The following KIAA1217 variants were observed in gnomAD, a reference collection of about 807,000 sequenced individuals.
KIAA1217 encodes KIAA1217, also known as sickle tail protein homolog.
Under a neutral mutation model 163.9 loss-of-function variants are expected in KIAA1217, and 88 were observed. The observed-to-expected ratio is 0.54, with a 90% CI of 0.45 to 0.64. KIAA1217 has a LOEUF of 0.64. KIAA1217 is among the 30% of genes least tolerant of loss of function. The pLI is 0.00. For synonymous variants in KIAA1217, 903 were observed against 923.1 expected, an observed-to-expected ratio of 0.98 and a Z score of 0.39; for missense variants, 2,372 against 2,475.0, an observed-to-expected ratio of 0.96 and a Z score of 0.88.
intron 1 of KIAA1217, among the ~76,000 whole-genome samples, chr10:23,699,165 A>G (rs1014898943): frequency 1.1e-4 from 16 of 152,190 alleles, no homozygotes; most frequent in African/African-American, 3.6e-4. Flanking sequence ...CCTTCTGAGG[A>G]CAGGGCAGCA....
At chr10:24,446,450 T>A (rs2060941023) in intron 5 of KIAA1217, among the ~76,000 whole-genome samples, 1 of 152,160 alleles carries the variant, frequency 6.6e-6, no homozygotes. Context: ...ATTTAGTATG[T>A]GTGTCTGCAG....
rs34564889 is a variant in KIAA1217 at position 24,406,392 on chromosome 10, AAC to A, written c.553+25352_553+25353del. 3.2e-3 allele frequency among the ~76,000 whole-genome samples: 428 copies of A among 133,670 alleles called. 1 individual carries two copies. Among genetic ancestry groups the A allele is most frequent in the Non-Finnish European group, 2.9e-3 (188 of 65,282 alleles). 87.7% of individuals were successfully genotyped at this position (133,670 alleles called of 152,430 possible). A position where few individuals can be genotyped will look rare whatever the true frequency, so the allele number is the denominator to read the frequency against. On this transcript the variant is annotated intron_variant, in intron 3 of 20. Coordinates refer to ENST00000376454, the MANE Select transcript of KIAA1217 (RefSeq NM_019590.5). ...ATATGCAAAGGTACATTCACACACA[AAC>A]ACACACACACACACACACACACACA...
At chr10:23,831,065 T>C (rs1349254864) in intron 1 of KIAA1217, among the ~76,000 whole-genome samples, 2 of 152,092 alleles carry the variant, frequency 1.3e-5, no homozygotes, top group Admixed American at 6.6e-5. Flanking sequence ...TCTTCTCTAC[T>C]GACTCCTGAA....
chr10:24,454,503 A>G (rs2061620152), intron 5 of KIAA1217, among the ~76,000 whole-genome samples: 1 of 152,236 alleles, frequency 6.6e-6, no homozygotes, highest in Non-Finnish European at 1.5e-5. Context: ...ACAAACAACA[A>G]TAAGGAATCA....
chr10:23,929,200 A>T (rs2131307660), intron 1 of KIAA1217, among the ~76,000 whole-genome samples: 1 of 152,312 alleles, frequency 6.6e-6, no homozygotes, highest in South Asian at 2.1e-4. Context: ...TAAAACACAA[A>T]ATCTCTCATT....
At chr10:23,879,255 T>C (rs1456479916) in intron 1 of KIAA1217, among the ~76,000 whole-genome samples, 2 of 151,914 alleles carry the variant, frequency 1.3e-5, no homozygotes, top group East Asian at 3.9e-4. Context: ...TCCCGGATGA[T>C]TCTTATCTCC....
chr10:24,463,724 G>A (rs933160477), intron 5 of KIAA1217, among the ~76,000 whole-genome samples: 2 of 152,188 alleles, frequency 1.3e-5, no homozygotes, highest in African/African-American at 4.8e-5. Context: ...TATTGGCCTT[G>A]CCAGAGCATA....
intron 1 of KIAA1217, among the ~76,000 whole-genome samples, chr10:23,924,383 GA>G (rs1842950207): frequency 6.6e-6 from 1 of 152,142 alleles, no homozygotes; most frequent in African/African-American, 2.4e-5. Flanking sequence ...TCATGAAAAT[GA>G]GGTGTGGAAG....
At chr10:23,818,142 T>G (rs1837433124) in intron 1 of KIAA1217, among the ~76,000 whole-genome samples, 1 of 141,918 alleles carries the variant, frequency 7.0e-6, no homozygotes, top group African/African-American at 2.6e-5. Flanking sequence ...CACATAAAGT[T>G]TCAAACCATG....
At position 24,433,210 on chromosome 10, in the gene KIAA1217, T is replaced by G. The variant is rs758032210; in HGVS notation, c.752+17T>G. 1.3e-6 allele frequency: 2 copies of G among 1,589,674 alleles called. No homozygotes were observed. Among genetic ancestry groups the G allele is most frequent in the East Asian group, 2.2e-5 (1 of 44,624 alleles). ...TGATGTAAGGTAAGTTGTGACATCA[T>G]TTTTTGCCTGCCATTTTGCCTTAGA... On this transcript the variant is annotated intron_variant, in intron 4 of 20. Coordinates refer to ENST00000376454, the MANE Select transcript of KIAA1217 (RefSeq NM_019590.5).
intron 2 of KIAA1217, among the ~76,000 whole-genome samples, chr10:24,043,213 C>A (rs1445195133): frequency 6.6e-6 from 1 of 152,098 alleles, no homozygotes; most frequent in African/African-American, 2.4e-5. Flanking sequence ...CATATTAAAA[C>A]AATAAGCAGC....
intron 2 of KIAA1217, among the ~76,000 whole-genome samples, chr10:24,347,854 T>C (rs1226758797): frequency 6.6e-6 from 1 of 152,310 alleles, no homozygotes. Flanking sequence ...CATATACAAA[T>C]ACATTGTGAA....
chr10:23,861,258 T>C (rs957914178), intron 1 of KIAA1217, among the ~76,000 whole-genome samples: 4 of 152,102 alleles, frequency 2.6e-5, no homozygotes, highest in African/African-American at 9.7e-5. Flanking sequence ...TCCTGTTTAG[T>C]AACACAGGCA....
intron 1 of KIAA1217, among the ~76,000 whole-genome samples, chr10:24,211,541 TATTGTATTGTATTGTATTG>T (rs1564836004): frequency 0.017 from 1,681 of 97,246 alleles, 58 homozygotes; most frequent in African/African-American, 0.019. Context: ...GGTTGTATTG[TATTGTATTGTATTGTATTG>T]TATTGTATTG....
chr10:24,517,746 G>A (rs2070421624), intron 10 of KIAA1217, among the ~76,000 whole-genome samples: 1 of 152,186 alleles, frequency 6.6e-6, no homozygotes, highest in Admixed American at 6.5e-5. Flanking sequence ...TATAATCCCA[G>A]CACTTTGGGA....
At chr10:24,064,148 G>C (rs1380750796) in intron 2 of KIAA1217, among the ~76,000 whole-genome samples, 1 of 152,106 alleles carries the variant, frequency 6.6e-6, no homozygotes, top group Non-Finnish European at 1.5e-5. Context: ...TCTCCTGCCT[G>C]ATTGCCCTGG....
chr10:24,106,943 C>T (rs2062654990), intron 2 of KIAA1217, among the ~76,000 whole-genome samples: 1 of 152,028 alleles, frequency 6.6e-6, no homozygotes, highest in Admixed American at 6.6e-5. Context: ...GGCTAAATTG[C>T]ATGTCATGGG....
At chr10:23,889,876 G>A (rs1051601304) in intron 1 of KIAA1217, among the ~76,000 whole-genome samples, 2 of 151,560 alleles carry the variant, frequency 1.3e-5, no homozygotes, top group Non-Finnish European at 2.9e-5. Context: ...ATTAATTTTA[G>A]TATATTTCTT....
At chr10:23,977,953 CCT>C (rs1247401735) in intron 1 of KIAA1217, among the ~76,000 whole-genome samples, 2 of 152,254 alleles carry the variant, frequency 1.3e-5, no homozygotes, top group Non-Finnish European at 2.9e-5. Flanking sequence ...AACAACATCC[CCT>C]GTTTCTTATC....
Sources: allele counts gnomAD v4.1 joint callset (sites outside exome capture counted in the v4.1 genomes callset), GRCh38; gene constraint gnomAD v4.1.1; transcripts MANE v1.5; gene names NCBI Gene and HGNC (gene_info 2026-07-23, HGNC 2026-07-21).